SEZ6: variants seen among roughly 807,000 people sequenced by gnomAD.
SEZ6 encodes the protein seizure protein 6 homolog.
A neutral mutation model predicts 101.0 loss-of-function variants in SEZ6; 53 were observed. The observed-to-expected ratio is 0.52, with a 90% CI of 0.42 to 0.66. The LOEUF (loss-of-function observed/expected upper bound fraction) is 0.66. SEZ6 is among the 30% of genes least tolerant of loss of function. The pLI, the probability that SEZ6 is intolerant of heterozygous loss-of-function variation, is 0.00. For missense variants in SEZ6, 1,102 were observed against 1,289.4 expected, an observed-to-expected ratio of 0.85 and a Z score of 2.23; for synonymous variants, 488 against 512.2, an observed-to-expected ratio of 0.95 and a Z score of 0.64.
intron 2 of SEZ6, among the ~76,000 whole-genome samples, chr17:28,980,194 GT>G (rs893140589): frequency 6.9e-6 from 1 of 144,748 alleles, no homozygotes; most frequent in Non-Finnish European, 1.5e-5. Context: ...GCTCAATGAG[GT>G]TTGTTTTCTT....
intron 1 of SEZ6, among the ~76,000 whole-genome samples, chr17:29,000,875 A>G (rs536330647): frequency 1.6e-4 from 24 of 152,134 alleles, no homozygotes; most frequent in African/African-American, 5.8e-4. Context: ...GCCAATACCC[A>G]CCTGTGCAAC....
chr17:28,974,072 C>T (rs1388148894), intron 3 of SEZ6, among the ~76,000 whole-genome samples: 1 of 152,210 alleles, frequency 6.6e-6, no homozygotes, highest in African/African-American at 2.4e-5. Context: ...CCTCATCTGC[C>T]CTGTCTGTCC....
intron 4 of SEZ6, among the ~76,000 whole-genome samples, chr17:28,969,181 A>G (rs73266436): frequency 1.2e-3 from 179 of 152,200 alleles, no homozygotes; most frequent in African/African-American, 4.0e-3. Flanking sequence ...TTTTCATTAC[A>G]TCGTGCTGCT....
intron 4 of SEZ6, 95 bp from the exon 5 acceptor site, chr17:28,964,242 AGGT>A (rs2041029317): frequency 1.5e-6 from 2 of 1,350,022 alleles, no homozygotes; most frequent in South Asian, 2.8e-5. Flanking sequence ...GTCTGCCTGG[AGGT>A]GTCATTTGGG....
At chr17:28,988,178 C>T (rs1002001601) in intron 1 of SEZ6, among the ~76,000 whole-genome samples, 1 of 152,226 alleles carries the variant, frequency 6.6e-6, no homozygotes, top group African/African-American at 2.4e-5. Flanking sequence ...GGCTTCTCTA[C>T]TCCTTTGTCT....
At chr17:28,985,526 T>A (rs1313016316) in intron 1 of SEZ6, among the ~76,000 whole-genome samples, 1 of 152,230 alleles carries the variant, frequency 6.6e-6, no homozygotes, top group African/African-American at 2.4e-5. Context: ...CTTTGCCTCC[T>A]CAGCTATAAA....
chr17:28,957,772 C>T (rs538095707), intron 11 of SEZ6, 175 bp downstream of exon 11: 1 of 882,014 alleles, frequency 1.1e-6, no homozygotes, highest in African/African-American at 1.7e-5. Flanking sequence ...GAGTACGTGG[C>T]TGATAACCCC....
intron 3 of SEZ6, among the ~76,000 whole-genome samples, chr17:28,975,471 C>T (rs868091817): frequency 6.6e-6 from 1 of 152,208 alleles, no homozygotes; most frequent in Non-Finnish European, 1.5e-5. Context: ...GGCTGCAGAG[C>T]CAACACTGAA....
chr17:28,957,155 G>A lies in SEZ6; in HGVS notation c.2582C>T (p.Thr861Ile), dbSNP rs146312015. Reference sequence around the variant, plus strand: ...GCCAGGGGCACACGAGAAGTGGATGGTGGCCCCTGCTGGGTGTAGCTGCTT... The same window carrying A: ...GCCAGGGGCACACGAGAAGTGGATGATGGCCCCTGCTGGGTGTAGCTGCTT... ...PEKQLHPAGA[T>I]IHFSCAPGYV... Residue 861 changes from threonine to isoleucine, a missense_variant, in exon 13 of 17, where the codon ACC becomes ATC. Thr to Ile is a moderately conservative substitution (Grantham distance 89). Transcript: ENST00000317338. The A allele has an allele frequency of 8.6e-5, 138 of 1,614,000 alleles. No individual in the cohort carries two copies. In the East Asian group the frequency reaches 2.9e-3, roughly 33 times the overall value.
chr17:28,997,156 G>A (rs76660271), intron 1 of SEZ6, among the ~76,000 whole-genome samples: 144 of 152,238 alleles, frequency 9.5e-4, no homozygotes, highest in African/African-American at 3.1e-3. Context: ...CAGGAGATGC[G>A]TGGGAATTGA....
At chr17:28,993,955 C>G (rs1296889905) in intron 1 of SEZ6, among the ~76,000 whole-genome samples, 1 of 152,262 alleles carries the variant, frequency 6.6e-6, no homozygotes, top group Non-Finnish European at 1.5e-5. Context: ...ACCTCCCTGA[C>G]TTTGTGACCT....
chr17:28,958,213 C>T, intron 10 of SEZ6, 72 bp from the exon 11 acceptor site: 1 of 1,498,388 alleles, frequency 6.7e-7, no homozygotes, highest in Non-Finnish European at 9.0e-7. Flanking sequence ...ACCTTGAGGG[C>T]ACTCTGGCTC....
At chr17:29,003,376 C>T (rs985666219) in intron 1 of SEZ6, among the ~76,000 whole-genome samples, 1 of 152,190 alleles carries the variant, frequency 6.6e-6, no homozygotes, top group African/African-American at 2.4e-5. Context: ...GAGCTTGGGC[C>T]AAGCCCAGCA....
At chr17:28,970,043 G>A (rs1013347408) in intron 3 of SEZ6, 91 bp from the exon 4 acceptor site, 238 of 1,234,334 alleles carry the variant, frequency 1.9e-4, no homozygotes, top group Non-Finnish European at 2.3e-4. Context: ...CAGGCCCCGG[G>A]CAGATCAATC....
intron 3 of SEZ6, among the ~76,000 whole-genome samples, chr17:28,971,330 C>T (rs191365376): frequency 1.2e-4 from 19 of 152,280 alleles, no homozygotes; most frequent in African/African-American, 4.1e-4. Context: ...CTGTGGCTCA[C>T]GCCTGTAATC....
intron 1 of SEZ6, among the ~76,000 whole-genome samples, chr17:28,996,551 G>A (rs1433390838): frequency 2.6e-5 from 4 of 152,144 alleles, no homozygotes; most frequent in Non-Finnish European, 4.4e-5. Context: ...AGATTGGGGA[G>A]GAAGAGACTG....
chr17:28,988,417 C>T (rs1046744659), intron 1 of SEZ6, among the ~76,000 whole-genome samples: 3 of 152,184 alleles, frequency 2.0e-5, no homozygotes, highest in African/African-American at 2.4e-5. Flanking sequence ...TTCCAAGCCC[C>T]GATTCTGCCT....
intron 1 of SEZ6, among the ~76,000 whole-genome samples, chr17:29,002,088 CTT>C (rs78272133): frequency 7.2e-4 from 99 of 137,610 alleles, no homozygotes; most frequent in Non-Finnish European, 6.7e-4. Flanking sequence ...CCTCTTTCTT[CTT>C]TTTTTTTTTT....
intron 3 of SEZ6, among the ~76,000 whole-genome samples, chr17:28,972,025 A>C (rs1567989975): frequency 6.6e-6 from 1 of 152,266 alleles, no homozygotes; most frequent in Non-Finnish European, 1.5e-5. Context: ...CGTGCACTGC[A>C]GCCGCAGACC....
Sources: gnomAD v4.1 joint callset for allele counts (sites outside exome capture counted in the v4.1 genomes callset) on GRCh38, gnomAD v4.1.1 for gene constraint, MANE v1.5 for transcripts, NCBI Gene and HGNC (gene_info 2026-07-23, HGNC 2026-07-21) for gene names.